LINGO2: variants seen among roughly 807,000 people sequenced by gnomAD.
LINGO2 encodes leucine rich repeat and Ig domain containing 2, also known as leucine-rich repeat and immunoglobulin-like domain-containing nogo receptor-interacting protein 2.
Under a neutral mutation model 30.6 loss-of-function variants are expected in LINGO2, and 14 were observed. The observed-to-expected ratio is 0.46, with a 90% CI of 0.30 to 0.72. The LOEUF is 0.72. Ranked by LOEUF, LINGO2 falls within the 30% of genes least tolerant of loss-of-function variation. The probability of loss-of-function intolerance (pLI) is 0.07; values close to 1 mark genes in which losing one functional copy is unlikely to be tolerated. For synonymous variants in LINGO2, 317 were observed against 288.5 expected, an observed-to-expected ratio of 1.10 and a Z score of -1.00; for missense variants, 729 against 751.7, an observed-to-expected ratio of 0.97 and a Z score of 0.35.
the LINGO2 span, among the ~76,000 whole-genome samples, chr9:29,028,948 T>C: frequency 6.6e-6 from 1 of 152,158 alleles, no homozygotes; most frequent in South Asian, 2.1e-4. Flanking sequence ...GATGAATTTT[T>C]TTTTTAGGTA....
chr9:28,375,422 G>C (rs1347441862), intron 2 of LINGO2, among the ~76,000 whole-genome samples: 1 of 148,312 alleles, frequency 6.7e-6, no homozygotes, highest in Admixed American at 6.6e-5. Context: ...ATGCCTGCAG[G>C]GCCTTGTTTA....
intron 1 of LINGO2, among the ~76,000 whole-genome samples, chr9:28,497,206 G>A (rs1819668823): frequency 6.6e-6 from 1 of 152,156 alleles, no homozygotes; most frequent in African/African-American, 2.4e-5. Flanking sequence ...ATGTTGGCCT[G>A]CCTTGCTAGG....
intron 5 of LINGO2, among the ~76,000 whole-genome samples, chr9:28,012,134 C>A (rs898725142): frequency 1.3e-5 from 2 of 152,142 alleles, no homozygotes; most frequent in Non-Finnish European, 2.9e-5. Flanking sequence ...TCTCCTCTTA[C>A]CACTGAGCAA....
intron 1 of LINGO2, among the ~76,000 whole-genome samples, chr9:28,574,162 G>A (rs962664655): frequency 6.6e-6 from 1 of 152,158 alleles, no homozygotes; most frequent in African/African-American, 2.4e-5. Flanking sequence ...GTGCTTGTTA[G>A]CATGTGAGTG....
At chr9:29,079,677 T>C in the LINGO2 span, among the ~76,000 whole-genome samples, 16 of 152,064 alleles carry the variant, frequency 1.1e-4, no homozygotes, top group East Asian at 1.2e-3. Flanking sequence ...CTCCATTGCC[T>C]ACAGGTCTTC....
chr9:28,657,542 C>A lies in LINGO2; in HGVS notation c.-365+12658G>T, dbSNP rs1828403984. Among the ~76,000 whole-genome samples, 4 of 151,222 alleles carry A rather than the reference C, an allele frequency of 2.6e-5. No homozygotes were observed. The South Asian group carries it at 8.4e-4, about 32-fold the overall frequency. Reference sequence around the variant, plus strand: ...TAAGATTATCCAATTTGTTGGCATACAATTGCTGGTAGTACTTTCTTATAA... The same window carrying A: ...TAAGATTATCCAATTTGTTGGCATAAAATTGCTGGTAGTACTTTCTTATAA... On this transcript the variant is annotated intron_variant, in intron 1 of 5. Transcript: ENST00000379992.
intron 1 of LINGO2, among the ~76,000 whole-genome samples, chr9:28,667,976 C>T (rs2136034214): frequency 1.3e-5 from 2 of 152,204 alleles, no homozygotes; most frequent in African/African-American, 4.8e-5. Context: ...CTGGTGACAC[C>T]TTCTCAACGT....
chr9:28,503,044 T>G (rs1819957957), intron 1 of LINGO2, among the ~76,000 whole-genome samples: 1 of 152,100 alleles, frequency 6.6e-6, no homozygotes, highest in Admixed American at 6.6e-5. Flanking sequence ...TGGCTTTCTT[T>G]GCTCTGCATC....
At chr9:28,209,610 C>T (rs1411549018) in intron 4 of LINGO2, among the ~76,000 whole-genome samples, 1 of 150,958 alleles carries the variant, frequency 6.6e-6, no homozygotes, top group African/African-American at 2.4e-5. Context: ...TTTTTGAATT[C>T]TAAGTCAATG....
Position 28,509,603 on chromosome 9 carries a change from C to A in LINGO2, c.-364-33578G>T, listed in dbSNP as rs543216753. ...ATGTGACTATATTGAGAGACAGGGCCGTTAAGGAGGTCGTAAAGGTTAAAC... is the reference window on the plus strand; with the variant it reads ...ATGTGACTATATTGAGAGACAGGGCAGTTAAGGAGGTCGTAAAGGTTAAAC... On this transcript the variant is annotated intron_variant, in intron 1 of 5. Coordinates refer to ENST00000379992, the Ensembl canonical transcript of LINGO2. Among the ~76,000 whole-genome samples the A allele has an allele frequency of 2.0e-5, 3 of 152,170 alleles. No individual in the cohort carries two copies. The South Asian group carries it at 6.2e-4, about 32-fold the overall frequency.
chr9:29,097,553 G>T, the LINGO2 span, among the ~76,000 whole-genome samples: 3 of 137,896 alleles, frequency 2.2e-5, no homozygotes, highest in Admixed American at 7.4e-5. Flanking sequence ...TTAACAAAAT[G>T]CTATTAAAAT....
rs537695417 is a variant in LINGO2, at chr9:28,577,503, T to TA, written c.-365+92696dup. Among the ~76,000 whole-genome samples, 4 of 152,162 alleles carry TA rather than the reference T, an allele frequency of 2.6e-5. No homozygotes were observed. The South Asian group carries it at 8.3e-4, about 32-fold the overall frequency. On this transcript the variant is annotated intron_variant, in intron 1 of 5. Transcript: ENST00000379992. ...AACCCACTGTCCACAACACTATCTT[T>TA]AAAAAACCCTAGCATTCAAATTTGC...
At chr9:28,489,896 C>CAAAAAAA (rs36068240) in intron 1 of LINGO2, among the ~76,000 whole-genome samples, 3 of 66,920 alleles carry the variant, frequency 4.5e-5, no homozygotes, top group East Asian at 3.6e-4. Context: ...GACTTTGTCT[C>CAAAAAAA]AAAAAAAAAA....
chr9:28,754,336 A>G, the LINGO2 span, among the ~76,000 whole-genome samples: 1 of 152,092 alleles, frequency 6.6e-6, no homozygotes, highest in Admixed American at 6.5e-5. Flanking sequence ...ATTGTAACGC[A>G]TATGTGTCTG....
At chr9:29,125,818 C>T in the LINGO2 span, among the ~76,000 whole-genome samples, 1 of 152,050 alleles carries the variant, frequency 6.6e-6, no homozygotes, top group Non-Finnish European at 1.5e-5. Flanking sequence ...TGTTTTAGAA[C>T]TAGTAAAACT....
chr9:28,788,115 C>T, the LINGO2 span, among the ~76,000 whole-genome samples: 1 of 151,992 alleles, frequency 6.6e-6, no homozygotes, highest in Admixed American at 6.6e-5. Context: ...GAAAAGATAT[C>T]ACAAAAAAGA....
intron 3 of LINGO2, among the ~76,000 whole-genome samples, chr9:28,353,716 C>T (rs370904171): frequency 1.2e-4 from 18 of 152,110 alleles, no homozygotes; most frequent in African/African-American, 3.6e-4. Flanking sequence ...ATGTTTATTG[C>T]GGCACTATTC....
At chr9:28,759,186 AC>A in the LINGO2 span, among the ~76,000 whole-genome samples, 1 of 152,038 alleles carries the variant, frequency 6.6e-6, no homozygotes. Context: ...TATGAGTGTT[AC>A]TGTGATGGAT....
the LINGO2 span, among the ~76,000 whole-genome samples, chr9:29,049,893 G>A: frequency 2.6e-5 from 4 of 152,090 alleles, no homozygotes; most frequent in Admixed American, 1.3e-4. Context: ...TAGCACATTA[G>A]GTTGGCTATA....
Sources: gnomAD v4.1 joint callset for allele counts (sites outside exome capture counted in the v4.1 genomes callset) on GRCh38, gnomAD v4.1.1 for gene constraint, MANE v1.5 for transcripts, NCBI Gene and HGNC (gene_info 2026-07-23, HGNC 2026-07-21) for gene names.